Variants in NRG1 observed in about 807,000 individuals in gnomAD.
NRG1 encodes neuregulin 1, also known as pro-neuregulin-1, membrane-bound isoform.
A neutral mutation model predicts 63.8 loss-of-function variants in NRG1; 18 were observed. The observed-to-expected ratio is 0.28, with a 90% CI of 0.19 to 0.42. The LOEUF (loss-of-function observed/expected upper bound fraction) is 0.42, where lower values mean the gene tolerates loss of function less well. NRG1 is among the 10% of genes least tolerant of loss of function. NRG1 has a pLI of 1.00. For missense variants in NRG1, 762 were observed against 814.7 expected (o/e 0.94, Z 0.79); for synonymous variants, 302 against 301.3 (o/e 1.00, Z -0.02).
intron 1 of NRG1, among the ~76,000 whole-genome samples, chr8:32,295,881 G>A (rs536829780): frequency 1.9e-4 from 29 of 149,776 alleles, no homozygotes; most frequent in Non-Finnish European, 3.4e-4. Context: ...AGGTTGCAGT[G>A]AGCCAAGATC....
chr8:32,335,462 T>C (rs1353155980), intron 1 of NRG1, among the ~76,000 whole-genome samples: 1 of 152,184 alleles, frequency 6.6e-6, no homozygotes, highest in African/African-American at 2.4e-5. Flanking sequence ...ATTGTCAGTG[T>C]GGGTCCAGCT....
intron 1 of NRG1, among the ~76,000 whole-genome samples, chr8:32,132,281 G>C (rs968393659): frequency 6.6e-6 from 1 of 152,072 alleles, no homozygotes; most frequent in Non-Finnish European, 1.5e-5. Context: ...TTAAGTGCCT[G>C]ACATTCTGAT....
At chr8:32,586,612 C>G (rs1841662414) in intron 1 of NRG1, among the ~76,000 whole-genome samples, 1 of 152,114 alleles carries the variant, frequency 6.6e-6, no homozygotes, top group East Asian at 1.9e-4. Flanking sequence ...TCTGCCTCCA[C>G]TTCAAACTTT....
intron 1 of NRG1, among the ~76,000 whole-genome samples, chr8:32,334,079 G>T (rs1179705238): frequency 6.6e-6 from 1 of 152,150 alleles, no homozygotes; most frequent in Non-Finnish European, 1.5e-5. Context: ...TAGAATTTAT[G>T]CTGTACTTAC....
At chr8:32,103,486 A>C (rs1170475321) in intron 1 of NRG1, among the ~76,000 whole-genome samples, 1 of 152,228 alleles carries the variant, frequency 6.6e-6, no homozygotes, top group Non-Finnish European at 1.5e-5. Context: ...ACAGTGCTGC[A>C]ACAAACATGG....
chr8:32,742,449 G>T lies in NRG1; in HGVS notation c.633-226G>T, dbSNP rs1211110917. Among the ~76,000 whole-genome samples, 5 of 152,044 alleles carry T rather than the reference G, an allele frequency of 3.3e-5. No homozygotes were observed. Among genetic ancestry groups the T allele is most frequent in the Non-Finnish European group, 7.4e-5 (5 of 68,018 alleles). ...AGAAGGCAACCACTTAAAGTGCTGGGATCTTTCCACCATACCAACTTAAGA... is the reference window on the plus strand; with the variant it reads ...AGAAGGCAACCACTTAAAGTGCTGGTATCTTTCCACCATACCAACTTAAGA... On this transcript the variant is annotated intron_variant, in intron 6 of 11. Coordinates refer to ENST00000356819, the Ensembl canonical transcript of NRG1. This position sits in a 1 kb window ranked among gnomAD's most constrained non-coding sequence, Gnocchi z 4.2.
chr8:32,309,829 G>A (rs182331996), intron 1 of NRG1, among the ~76,000 whole-genome samples: 137 of 152,170 alleles, frequency 9.0e-4, no homozygotes, highest in Non-Finnish European at 9.6e-4. Flanking sequence ...CCCAAATTCC[G>A]CCTCCCACCT....
intron 1 of NRG1, among the ~76,000 whole-genome samples, chr8:32,010,158 C>T (rs188003973): frequency 2.5e-3 from 376 of 152,094 alleles, no homozygotes; most frequent in Non-Finnish European, 4.6e-3. Context: ...TTACTTCATA[C>T]CCCAAATTAG....
chr8:32,074,253 T>C (rs1021755034), intron 1 of NRG1, among the ~76,000 whole-genome samples: 1 of 152,196 alleles, frequency 6.6e-6, no homozygotes, highest in African/African-American at 2.4e-5. Context: ...TTTTTGGTCA[T>C]CTTTCTAGCA....
chr8:31,730,721 A>G (rs1813948074), intron 1 of NRG1, among the ~76,000 whole-genome samples: 1 of 152,130 alleles, frequency 6.6e-6, no homozygotes, highest in Non-Finnish European at 1.5e-5. Flanking sequence ...CATGAAATCC[A>G]GATCCCATAA....
chr8:32,177,178 A>G (rs1160173955), intron 1 of NRG1, among the ~76,000 whole-genome samples: 3 of 152,068 alleles, frequency 2.0e-5, no homozygotes, highest in African/African-American at 7.2e-5. Flanking sequence ...GTCCTTTGTA[A>G]GGACATGGAT....
rs116992241 is a variant in NRG1, at chr8:31,733,261, G to A, written c.37+93830G>A. On this transcript the variant is annotated intron_variant, in intron 1 of 10. Transcript: ENST00000519301. ...GATTCCATATTCTTTGCTGTTGTGA[G>A]TAGTGCTGTGTTAAGTATACAGGTG... 3.9e-3 allele frequency among the ~76,000 whole-genome samples: 586 copies of A among 151,716 alleles called. 1 individual carries two copies. Among genetic ancestry groups the A allele is most frequent in the South Asian group, 0.019 (91 of 4,810 alleles).
intron 1 of NRG1, among the ~76,000 whole-genome samples, chr8:32,176,884 T>G: frequency 6.6e-6 from 1 of 152,140 alleles, no homozygotes; most frequent in Admixed American, 6.5e-5. Flanking sequence ...TTGGTGGGAC[T>G]GTAAACTAGT....
upstream of NRG1, among the ~76,000 whole-genome samples, chr8:32,546,056 G>C (rs1833032717): frequency 6.6e-6 from 1 of 151,990 alleles, no homozygotes; most frequent in African/African-American, 2.4e-5. Context: ...CTGCTTTTAC[G>C]TTTTATCTTA....
intron 1 of NRG1, among the ~76,000 whole-genome samples, chr8:31,961,555 T>C (rs544171852): frequency 9.4e-4 from 143 of 152,316 alleles, no homozygotes; most frequent in Middle Eastern, 6.8e-3. Flanking sequence ...TTGTGTAAAC[T>C]ATAAGTAGAC....
chr8:32,578,613 G>A lies in NRG1; in HGVS notation c.101-17215G>A, dbSNP rs1359172686. On this transcript the variant is annotated intron_variant, in intron 1 of 11. Transcript: ENST00000356819. ...CAGTGCTGACAATACAATTGTTCAG[G>A]AATGGCCTTCATGACCATAAGGTTG... is the stretch of plus-strand genomic sequence containing the variant. 2.6e-5 allele frequency among the ~76,000 whole-genome samples: 4 copies of A among 152,010 alleles called. No individual in the cohort carries two copies. The South Asian group carries it at 8.3e-4, about 32-fold the overall frequency.
At chr8:32,493,134 G>C (rs1332400226) in intron 1 of NRG1, among the ~76,000 whole-genome samples, 1 of 152,124 alleles carries the variant, frequency 6.6e-6, no homozygotes, top group African/African-American at 2.4e-5. Context: ...CCTTCTGTGT[G>C]TTAAATTAGG....
intron 1 of NRG1, among the ~76,000 whole-genome samples, chr8:32,213,342 C>G (rs932587616): frequency 6.6e-6 from 1 of 152,078 alleles, no homozygotes; most frequent in Admixed American, 6.6e-5. Context: ...AGCTATTATC[C>G]TCAGCAAACT....
chr8:32,628,782 G>A (rs1003185597), intron 5 of NRG1, among the ~76,000 whole-genome samples: 10 of 150,552 alleles, frequency 6.6e-5, no homozygotes, highest in African/African-American at 2.0e-4. Context: ...ACCCAGGCTG[G>A]AGTGCAGTGG....
Sources: allele counts gnomAD v4.1 joint callset (sites outside exome capture counted in the v4.1 genomes callset), GRCh38; gene constraint gnomAD v4.1.1; non-coding constraint Gnocchi (gnomAD v3.1); transcripts MANE v1.5; gene names NCBI Gene and HGNC (gene_info 2026-07-23, HGNC 2026-07-21).